The following HSD17B12 variants were observed in gnomAD, a reference collection of about 807,000 sequenced individuals.
HSD17B12 encodes the protein hydroxysteroid 17-beta dehydrogenase 12.
In HSD17B12, 32 loss-of-function variants were observed where a neutral mutation model predicts 39.3. The ratio of observed to expected loss-of-function variants is 0.81; its 90% CI spans 0.61 to 1.09. The LOEUF (loss-of-function observed/expected upper bound fraction) is 1.09. Among genes scored for constraint, HSD17B12 ranks in the 50% least tolerant of loss-of-function variants. The pLI is 0.00. For missense variants in HSD17B12, 342 were observed against 382.9 expected, an observed-to-expected ratio of 0.89 and a Z score of 0.89; for synonymous variants, 150 against 146.7, an observed-to-expected ratio of 1.02 and a Z score of -0.16.
At chr11:43,560,782 C>T in the HSD17B12 span, among the ~76,000 whole-genome samples, 1 of 152,222 alleles carries the variant, frequency 6.6e-6, no homozygotes, top group Admixed American at 6.5e-5. Flanking sequence ...TGGAGCTCTT[C>T]TGAGCCAAGG....
the HSD17B12 span, among the ~76,000 whole-genome samples, chr11:43,662,504 CA>C: frequency 6.9e-6 from 1 of 145,520 alleles, no homozygotes; most frequent in Non-Finnish European, 1.5e-5. Flanking sequence ...CTTAGCCCCC[CA>C]AAGTTGGCCA....
intron 3 of HSD17B12, among the ~76,000 whole-genome samples, chr11:43,777,993 C>T (rs1343107145): frequency 2.0e-5 from 3 of 151,918 alleles, no homozygotes; most frequent in Non-Finnish European, 2.9e-5. Context: ...CAGAGCAGAA[C>T]TGAAGGAAAT....
Position 43,751,955 on chromosome 11 carries a change from C to T in HSD17B12, c.207+998C>T, listed in dbSNP as rs118130648. ...AACATACAGCCCTTATGCAGGTTTCCGGTTGCCCCAATACATCCTTTTAAG... is the reference window on the plus strand; with the variant it reads ...AACATACAGCCCTTATGCAGGTTTCTGGTTGCCCCAATACATCCTTTTAAG... On this transcript the variant is annotated intron_variant, in intron 2 of 10. Transcript: ENST00000278353. 5.1e-3 allele frequency among the ~76,000 whole-genome samples: 771 copies of T among 152,216 alleles called. 7 individuals carry two copies. The highest frequency in any genetic ancestry group is 0.045 in the East Asian group (232 of 5,182).
At chr11:43,579,110 T>TG in the HSD17B12 span, 3 of 58,280 alleles carry the variant, frequency 5.1e-5, no homozygotes, top group Non-Finnish European at 1.1e-4. Context: ...GGGACGGGGG[T>TG]GGGGGGGAAG....
In HSD17B12 at chr11:43,855,384, G is replaced by A. The variant is rs1951573567; in HGVS notation, c.*136G>A. 4.1e-6 allele frequency: 2 copies of A among 485,882 alleles called. No individual in the cohort carries two copies. Among genetic ancestry groups the A allele is most frequent in the African/African-American group, 4.0e-5 (2 of 50,008 alleles). The allele number at this position is 485,882 out of a possible 1,614,324, so 30.1% of individuals were successfully genotyped here. The stretch of plus-strand genomic sequence containing the variant: ...CATGACTAAATATTATCTTAATTAA[G>A]AGGAAAATAGAAGTTGCTTTTAGGG... On this transcript the variant is annotated 3_prime_UTR_variant, in exon 11 of 11. Coordinates refer to ENST00000278353, the MANE Select transcript of HSD17B12 (RefSeq NM_016142.3).
chr11:43,641,110 T>G, the HSD17B12 span: 1 of 152,030 alleles, frequency 6.6e-6, no homozygotes, highest in Non-Finnish European at 1.5e-5. Flanking sequence ...TATCATGTAC[T>G]AAAACTTTGC....
At chr11:43,697,014 G>C (rs942060054) in intron 1 of HSD17B12, among the ~76,000 whole-genome samples, 2 of 152,012 alleles carry the variant, frequency 1.3e-5, no homozygotes, top group East Asian at 1.9e-4. Context: ...CTTGTTGCGG[G>C]GGGTGGGAGG....
chr11:43,832,193 C>T (rs1951317945), intron 7 of HSD17B12, among the ~76,000 whole-genome samples: 1 of 152,142 alleles, frequency 6.6e-6, no homozygotes, highest in Non-Finnish European at 1.5e-5. Context: ...TTAGACCAGA[C>T]CAGAACCCTA....
At chr11:43,587,316 GA>G in the HSD17B12 span, among the ~76,000 whole-genome samples, 4 of 125,498 alleles carry the variant, frequency 3.2e-5, no homozygotes, top group East Asian at 7.3e-4. Context: ...CAGCAAAAAG[GA>G]AAAAAAAAAC....
At chr11:43,602,078 T>C in the HSD17B12 span, among the ~76,000 whole-genome samples, 1 of 152,362 alleles carries the variant, frequency 6.6e-6, no homozygotes, top group East Asian at 1.9e-4. Context: ...GGAGTTTCCA[T>C]GAGGCAATGC....
chr11:43,767,250 T>C (rs1950604151), intron 3 of HSD17B12, among the ~76,000 whole-genome samples: 1 of 151,510 alleles, frequency 6.6e-6, no homozygotes. Context: ...GGGACCAAGG[T>C]GTTATTAAAT....
chr11:43,826,081 CTT>C (rs71481435), intron 6 of HSD17B12, among the ~76,000 whole-genome samples: 7 of 75,274 alleles, frequency 9.3e-5, no homozygotes, highest in East Asian at 4.3e-4. Context: ...CTTTTTTTTT[CTT>C]TTTTTTTTTT....
chr11:43,703,318 C>T (rs1006451987), intron 1 of HSD17B12, among the ~76,000 whole-genome samples: 4 of 151,568 alleles, frequency 2.6e-5, no homozygotes, highest in African/African-American at 9.7e-5. Context: ...CCTCAGCCTC[C>T]CAAGTAGCTG....
intron 3 of HSD17B12, among the ~76,000 whole-genome samples, chr11:43,777,753 T>C (rs190060139): frequency 9.3e-4 from 141 of 152,304 alleles, no homozygotes; most frequent in African/African-American, 2.9e-3. Context: ...TTGTCGTAGA[T>C]AGCTCTTATT....
the HSD17B12 span, among the ~76,000 whole-genome samples, chr11:43,620,189 C>G: frequency 6.6e-6 from 1 of 152,190 alleles, no homozygotes; most frequent in Non-Finnish European, 1.5e-5. Context: ...TCTTTAAACA[C>G]CACCATTTAT....
the HSD17B12 span, among the ~76,000 whole-genome samples, chr11:43,632,528 A>G: frequency 1.3e-5 from 2 of 152,038 alleles, no homozygotes; most frequent in African/African-American, 4.8e-5. Flanking sequence ...CTACTTATGT[A>G]TTTGCCATTT....
intron 1 of HSD17B12, among the ~76,000 whole-genome samples, chr11:43,739,927 C>G (rs529179200): frequency 2.6e-5 from 4 of 152,196 alleles, no homozygotes; most frequent in African/African-American, 9.6e-5. Context: ...AGGTTTTAGG[C>G]AGGGAAGTGA....
intron 3 of HSD17B12, among the ~76,000 whole-genome samples, chr11:43,784,914 G>A (rs553807449): frequency 3.9e-5 from 6 of 152,120 alleles, no homozygotes; most frequent in Admixed American, 6.5e-5. Context: ...CTTTTTAAAC[G>A]CCAGACACTG....
intron 1 of HSD17B12, among the ~76,000 whole-genome samples, chr11:43,695,760 T>C (rs1306056898): frequency 6.6e-6 from 1 of 152,048 alleles, no homozygotes; most frequent in East Asian, 1.9e-4. Flanking sequence ...AAATTTAGAT[T>C]TTAGTTGGCC....
Sources: allele counts gnomAD v4.1 joint callset (sites outside exome capture counted in the v4.1 genomes callset), GRCh38; gene constraint gnomAD v4.1.1; transcripts MANE v1.5; gene names NCBI Gene and HGNC (gene_info 2026-07-23, HGNC 2026-07-21).